The following CSMD1 variants were observed in gnomAD, a reference collection of about 807,000 sequenced individuals.
CSMD1 encodes the protein CUB and sushi domain-containing protein 1.
In CSMD1, 213 loss-of-function variants were observed where a neutral mutation model predicts 417.5. The observed-to-expected ratio is 0.51, with a 90% CI of 0.46 to 0.57. The LOEUF (loss-of-function observed/expected upper bound fraction) is 0.57. Ranked by LOEUF, CSMD1 falls within the 20% of genes least tolerant of loss-of-function variation. The pLI, the probability that CSMD1 is intolerant of heterozygous loss-of-function variation, is 0.00. For synonymous variants in CSMD1, 2,862 were observed against 1,736.8 expected (o/e 1.65, Z -16.11); for missense variants, 6,923 against 4,529.7 (o/e 1.53, Z -15.17).
At chr8:4,778,353 G>T (rs942682839) in intron 1 of CSMD1, among the ~76,000 whole-genome samples, 1 of 152,008 alleles carries the variant, frequency 6.6e-6, no homozygotes, top group African/African-American at 2.4e-5. Flanking sequence ...CCATTGTTTT[G>T]ATGATTTTTC....
chr8:3,314,745 C>T lies in CSMD1; in HGVS notation c.3632-6242G>A, dbSNP rs1022436454. The stretch of plus-strand genomic sequence containing the variant: ...GTCTTAATATTCTTAAGAATTAAAT[C>T]CTATGTATCTTCTAACAATATTAGA... On this transcript the variant is annotated intron_variant, in intron 23 of 69. Transcript: ENST00000635120. Among the ~76,000 whole-genome samples the T allele has an allele frequency of 5.9e-5, 9 of 152,070 alleles. 1 individual carries two copies. The highest frequency in any genetic ancestry group is 8.8e-5 in the Non-Finnish European group (6 of 68,044).
At chr8:4,787,962 CCAT>C (rs1307581879) in intron 1 of CSMD1, 18 of 1,594,570 alleles carry the variant, frequency 1.1e-5, no homozygotes, top group Admixed American at 1.7e-5. Context: ...GAGACTCTGG[CCAT>C]CAGGAGATCG....
chr8:4,077,322 T>C (rs1257475610), intron 3 of CSMD1, among the ~76,000 whole-genome samples: 2 of 143,786 alleles, frequency 1.4e-5, no homozygotes, highest in African/African-American at 2.5e-5. Flanking sequence ...TATATATATA[T>C]GGTAGACATA....
intron 5 of CSMD1, among the ~76,000 whole-genome samples, chr8:3,773,594 G>C (rs894379562): frequency 2.0e-5 from 3 of 152,098 alleles, no homozygotes; most frequent in Non-Finnish European, 4.4e-5. Flanking sequence ...TCCTATAATA[G>C]GTATTTAGTG....
chr8:3,123,010 A>G (rs991541295), intron 41 of CSMD1, among the ~76,000 whole-genome samples: 12 of 152,200 alleles, frequency 7.9e-5, no homozygotes, highest in African/African-American at 2.9e-4. Context: ...AACCCCTATG[A>G]AACAATTATG....
intron 7 of CSMD1, among the ~76,000 whole-genome samples, chr8:3,665,990 G>T (rs2623620): frequency 3.3e-4 from 50 of 152,186 alleles, no homozygotes; most frequent in Non-Finnish European, 6.8e-4. Context: ...TGATTTTCCT[G>T]CCTTAGCCTC....
chr8:3,666,867 T>G (rs1422108677), intron 7 of CSMD1, among the ~76,000 whole-genome samples: 1 of 152,184 alleles, frequency 6.6e-6, no homozygotes, highest in Non-Finnish European at 1.5e-5. Context: ...CAGTCTCAGA[T>G]AGGTCTTTAT....
chr8:4,075,352 G>A (rs367567999), intron 3 of CSMD1, among the ~76,000 whole-genome samples: 7 of 152,188 alleles, frequency 4.6e-5, no homozygotes, highest in Admixed American at 3.9e-4. Flanking sequence ...TCTCTAAGAT[G>A]AAGTGCTGAA....
chr8:4,793,249 A>G (rs897270193), intron 1 of CSMD1, among the ~76,000 whole-genome samples: 4 of 152,152 alleles, frequency 2.6e-5, no homozygotes, highest in Non-Finnish European at 4.4e-5. Context: ...CTTCATATTT[A>G]CAAGACCTAA....
intron 18 of CSMD1, among the ~76,000 whole-genome samples, chr8:3,383,428 T>G: frequency 6.6e-6 from 1 of 152,086 alleles, no homozygotes; most frequent in South Asian, 2.1e-4. Context: ...AAAAACCTCA[T>G]GCATGGAGGG....
chr8:3,955,842 A>G (rs2129928015), intron 5 of CSMD1, among the ~76,000 whole-genome samples: 1 of 152,322 alleles, frequency 6.6e-6, no homozygotes, highest in East Asian at 1.9e-4. Context: ...GCCCCCTGCC[A>G]CACTGAGATC....
intron 2 of CSMD1, among the ~76,000 whole-genome samples, chr8:4,513,198 A>G (rs992069690): frequency 6.6e-6 from 1 of 152,156 alleles, no homozygotes; most frequent in Non-Finnish European, 1.5e-5. Context: ...TAATAAATGT[A>G]CCATTCTTAT....
At chr8:4,295,310 T>C (rs545100349) in intron 3 of CSMD1, among the ~76,000 whole-genome samples, 8 of 111,726 alleles carry the variant, frequency 7.2e-5, no homozygotes, top group South Asian at 3.3e-4. Context: ...ATCTATATAA[T>C]CTTAAGATTA....
chr8:4,281,030 T>C (rs1585150753), intron 3 of CSMD1, among the ~76,000 whole-genome samples: 1 of 152,204 alleles, frequency 6.6e-6, no homozygotes, highest in East Asian at 1.9e-4. Flanking sequence ...TTTAAAATTC[T>C]GTTCCTTGGT....
chr8:3,407,566 G>A (rs1409550233), intron 14 of CSMD1, among the ~76,000 whole-genome samples: 3 of 151,862 alleles, frequency 2.0e-5, no homozygotes, highest in Non-Finnish European at 2.9e-5. Flanking sequence ...TGGAATAATG[G>A]TTTGGTGGGT....
intron 1 of CSMD1, among the ~76,000 whole-genome samples, chr8:4,777,831 C>T (rs1236026380): frequency 1.3e-5 from 2 of 152,202 alleles, no homozygotes; most frequent in Non-Finnish European, 2.9e-5. Flanking sequence ...TTCACATCTA[C>T]AAATCTCAAC....
intron 3 of CSMD1, among the ~76,000 whole-genome samples, chr8:4,122,560 C>T (rs1802545627): frequency 6.6e-6 from 1 of 152,156 alleles, no homozygotes; most frequent in South Asian, 2.1e-4. Context: ...CCGTGCTTTC[C>T]CAATGTTTGG....
At position 3,416,032 on chromosome 8, in the gene CSMD1, C is replaced by T. The variant is rs146545290; in HGVS notation, c.1562-6427G>A. ...AATAAGTGTTCTTGGCTGGGCGCGGCGGCTCACACCTGTAATCCTAGCACT... is the reference window on the plus strand; with the variant it reads ...AATAAGTGTTCTTGGCTGGGCGCGGTGGCTCACACCTGTAATCCTAGCACT... On this transcript the variant is annotated intron_variant, in intron 12 of 69. Coordinates refer to ENST00000635120, the MANE Select transcript of CSMD1 (RefSeq NM_033225.6). Among the ~76,000 whole-genome samples the T allele has an allele frequency of 1.6e-3, 239 of 152,108 alleles. 3 individuals are homozygous for T. The highest frequency in any genetic ancestry group is 5.3e-3 in the African/African-American group (218 of 41,512).
chr8:3,890,043 G>C (rs960940384), intron 5 of CSMD1, among the ~76,000 whole-genome samples: 4 of 151,964 alleles, frequency 2.6e-5, no homozygotes, highest in African/African-American at 9.7e-5. Flanking sequence ...TTTTAAAAAA[G>C]TTTCTGAATC....
Sources: gnomAD v4.1 joint callset for allele counts (sites outside exome capture counted in the v4.1 genomes callset) on GRCh38, gnomAD v4.1.1 for gene constraint, MANE v1.5 for transcripts, NCBI Gene and HGNC (gene_info 2026-07-23, HGNC 2026-07-21) for gene names.